R3HDM2: variants seen among roughly 807,000 people sequenced by gnomAD.
R3HDM2 encodes the protein R3H domain-containing protein 2.
A neutral mutation model predicts 124.5 loss-of-function variants in R3HDM2; 38 were observed. The observed-to-expected ratio is 0.31, with a 90% CI of 0.24 to 0.40. The LOEUF is 0.40. Ranked by LOEUF, R3HDM2 falls within the 10% of genes least tolerant of loss-of-function variation. The probability of loss-of-function intolerance (pLI) is 1.00; values close to 1 mark genes in which losing one functional copy is unlikely to be tolerated. For missense variants in R3HDM2, 869 were observed against 1,236.9 expected (o/e 0.70, Z 4.46); for synonymous variants, 391 against 448.0 (o/e 0.87, Z 1.61).
chr12:57,410,525 C>G (rs1043522761), intron 1 of R3HDM2, among the ~76,000 whole-genome samples: 1 of 152,020 alleles, frequency 6.6e-6, no homozygotes, highest in African/African-American at 2.4e-5. Context: ...CCTCATCCAT[C>G]CAGGTGAAGT....
chr12:57,346,286 G>A (rs1402237621), intron 2 of R3HDM2, among the ~76,000 whole-genome samples: 2 of 151,352 alleles, frequency 1.3e-5, no homozygotes, highest in Non-Finnish European at 2.9e-5. Flanking sequence ...GTGAAACCTC[G>A]TCTCTACTAA....
At chr12:57,276,110 G>T (rs922189744) in intron 14 of R3HDM2, among the ~76,000 whole-genome samples, 2 of 151,574 alleles carry the variant, frequency 1.3e-5, no homozygotes, top group Non-Finnish European at 2.9e-5. Flanking sequence ...CTAGCTACTC[G>T]GGAGGCTGAG....
intron 2 of R3HDM2, among the ~76,000 whole-genome samples, chr12:57,363,896 T>C (rs2062266155): frequency 1.3e-5 from 2 of 151,824 alleles, no homozygotes; most frequent in Admixed American, 1.3e-4. Flanking sequence ...AGAATGAACT[T>C]CCTATTTTCT....
intron 7 of R3HDM2, chr12:57,297,727 G>T: frequency 1.2e-5 from 4 of 341,048 alleles, no homozygotes; most frequent in South Asian, 8.8e-5. Context: ...AATTTTAAAG[G>T]AATTATAATT....
chr12:57,399,684 T>C (rs2067874000), intron 1 of R3HDM2, among the ~76,000 whole-genome samples: 2 of 152,162 alleles, frequency 1.3e-5, no homozygotes, highest in African/African-American at 4.8e-5. Flanking sequence ...TTAAAGATCC[T>C]AACAACTGGT....
In R3HDM2 at chr12:57,299,569, G is replaced by A; in HGVS notation, c.295-91C>T. On this transcript the variant is annotated intron_variant, in intron 5 of 23. Coordinates refer to ENST00000402412, the MANE Select transcript of R3HDM2 (RefSeq NM_001394031.1). ...TCTCAAAGAAGGTAAATCTTGGGGT[G>A]GCAGCTCTCTCTTATAGATTAGTGT... 7 of 1,293,946 alleles carry A rather than the reference G, an allele frequency of 5.4e-6. No individual in the cohort carries two copies. The South Asian group carries it at 5.6e-5, about 10-fold the overall frequency. 80.2% of individuals were successfully genotyped at this position (1,293,946 alleles called of 1,614,324 possible). A position where few individuals can be genotyped will look rare whatever the true frequency, so the allele number is the denominator to read the frequency against.
At chr12:57,352,738 C>A (rs553764224) in intron 2 of R3HDM2, among the ~76,000 whole-genome samples, 12 of 152,190 alleles carry the variant, frequency 7.9e-5, no homozygotes, top group Non-Finnish European at 1.5e-4. Context: ...AAATGATCCA[C>A]CCACCTCAGC....
At chr12:57,402,207 A>C (rs773709180) in intron 1 of R3HDM2, among the ~76,000 whole-genome samples, 1 of 151,542 alleles carries the variant, frequency 6.6e-6, no homozygotes, top group Non-Finnish European at 1.5e-5. Context: ...AGGCAGGAGA[A>C]TCTCCTGAAT....
intron 3 of R3HDM2, among the ~76,000 whole-genome samples, chr12:57,303,582 A>T (rs1286679934): frequency 2.0e-5 from 3 of 150,200 alleles, no homozygotes; most frequent in African/African-American, 7.4e-5. Context: ...CATCTCTACA[A>T]AAAAAAAAAC....
At chr12:57,357,849 C>T (rs1158950466) in intron 2 of R3HDM2, among the ~76,000 whole-genome samples, 1 of 152,020 alleles carries the variant, frequency 6.6e-6, no homozygotes, top group Non-Finnish European at 1.5e-5. Context: ...TTTTCCATAT[C>T]ATGTTCCCAT....
At chr12:57,379,841 A>G (rs998581170) in intron 2 of R3HDM2, among the ~76,000 whole-genome samples, 2 of 152,074 alleles carry the variant, frequency 1.3e-5, no homozygotes, top group Non-Finnish European at 1.5e-5. Flanking sequence ...TTATATATAT[A>G]TGGCTACTTC....
chr12:57,326,892 G>T (rs1025300065), intron 2 of R3HDM2, among the ~76,000 whole-genome samples: 12 of 151,932 alleles, frequency 7.9e-5, no homozygotes, highest in Non-Finnish European at 1.8e-4. Context: ...CTCTGCCTGT[G>T]CTCTAAAAAT....
At chr12:57,420,879 C>G (rs902802283) in intron 1 of R3HDM2, among the ~76,000 whole-genome samples, 2 of 152,168 alleles carry the variant, frequency 1.3e-5, no homozygotes, top group African/African-American at 4.8e-5. Flanking sequence ...ACTTCTCTGA[C>G]TCTGGACTGG....
chr12:57,428,182 T>C (rs1342632846), intron 1 of R3HDM2, among the ~76,000 whole-genome samples: 1 of 151,024 alleles, frequency 6.6e-6, no homozygotes, highest in Non-Finnish European at 1.5e-5. Context: ...AGACAGGCTA[T>C]GCTCTTACAC....
At chr12:57,291,662 AAAAC>A (rs1253898341) in intron 11 of R3HDM2, among the ~76,000 whole-genome samples, 1 of 151,324 alleles carries the variant, frequency 6.6e-6, no homozygotes, top group East Asian at 1.9e-4. Context: ...TAAAAAAAAA[AAAAC>A]AAAAAAAAAC....
chr12:57,258,367 G>A (rs1383912391), intron 20 of R3HDM2, among the ~76,000 whole-genome samples: 1 of 149,880 alleles, frequency 6.7e-6, no homozygotes, highest in Non-Finnish European at 1.5e-5. Context: ...TTGAGATGGA[G>A]TCTTGCTCTA....
At chr12:57,313,063 G>C (rs2054250507) in intron 2 of R3HDM2, among the ~76,000 whole-genome samples, 1 of 151,900 alleles carries the variant, frequency 6.6e-6, no homozygotes, top group South Asian at 2.1e-4. Context: ...GTAACTAAAG[G>C]CTACTATAAA....
At chr12:57,348,053 GAT>G (rs1224135549) in intron 2 of R3HDM2, among the ~76,000 whole-genome samples, 1 of 152,144 alleles carries the variant, frequency 6.6e-6, no homozygotes, top group Non-Finnish European at 1.5e-5. Flanking sequence ...TCCTGTTATT[GAT>G]AGTTCTGATC....
intron 2 of R3HDM2, among the ~76,000 whole-genome samples, chr12:57,354,581 AC>A (rs1256187129): frequency 6.6e-6 from 1 of 152,076 alleles, no homozygotes; most frequent in Non-Finnish European, 1.5e-5. Flanking sequence ...GGAGTGAGCC[AC>A]TGCACCCTGC....
Sources: gnomAD v4.1 joint callset for allele counts (sites outside exome capture counted in the v4.1 genomes callset) on GRCh38, gnomAD v4.1.1 for gene constraint, MANE v1.5 for transcripts, NCBI Gene and HGNC (gene_info 2026-07-23, HGNC 2026-07-21) for gene names.